The following GNG7 variants were observed in gnomAD, a reference collection of about 807,000 sequenced individuals.
GNG7 encodes guanine nucleotide-binding protein G(I)/G(S)/G(O) subunit gamma-7.
Under a neutral mutation model 4.0 loss-of-function variants are expected in GNG7, and 1 was observed. The ratio of observed to expected loss-of-function variants is 0.25; its 90% CI spans 0.09 to 1.18. GNG7 has a LOEUF of 1.18. Among genes scored for constraint, GNG7 ranks in the 50% most tolerant of loss-of-function variants. The pLI is 0.50. For synonymous variants in GNG7, 34 were observed against 36.9 expected, an observed-to-expected ratio of 0.92 and a Z score of 0.29; for missense variants, 86 against 91.9, an observed-to-expected ratio of 0.94 and a Z score of 0.26.
intron 1 of GNG7, among the ~76,000 whole-genome samples, chr19:2,701,714 T>C (rs1352944404): frequency 3.1e-5 from 2 of 63,596 alleles, no homozygotes; most frequent in Admixed American, 2.1e-4. Context: ...CCCAGCCCCC[T>C]CTCCAGCTCC....
intron 3 of GNG7, among the ~76,000 whole-genome samples, chr19:2,537,539 T>C (rs1340120626): frequency 1.3e-5 from 2 of 152,134 alleles, no homozygotes; most frequent in African/African-American, 4.8e-5. Flanking sequence ...CTGGCTATAA[T>C]AAAATAAATC....
intron 1 of GNG7, among the ~76,000 whole-genome samples, chr19:2,648,404 A>C (rs1476386802): frequency 6.6e-6 from 1 of 152,122 alleles, no homozygotes; most frequent in Non-Finnish European, 1.5e-5. Flanking sequence ...TCAAAAACAG[A>C]CCAACCCCAA....
chr19:2,529,865 C>T (rs752951998), intron 3 of GNG7, among the ~76,000 whole-genome samples: 21 of 152,238 alleles, frequency 1.4e-4, no homozygotes, highest in Non-Finnish European at 2.5e-4. Context: ...AATCCGGGCT[C>T]GCACTCTGGC....
At chr19:2,593,784 C>CTT (rs71178294) in intron 2 of GNG7, among the ~76,000 whole-genome samples, 190 of 139,522 alleles carry the variant, frequency 1.4e-3, no homozygotes, top group South Asian at 2.4e-3. Flanking sequence ...CGGGGTAGCA[C>CTT]TTTTTTTTTT....
Position 2,653,372 on chromosome 19 carries a change from T to G in GNG7, c.-134-7092A>C, listed in dbSNP as rs1351629580. ...CAGCAGGGCAGATGAGGGATCGATC[T>G]GAGTCCCATGATCCTCGGCCCTGCT... On this transcript the variant is annotated intron_variant, in intron 1 of 4. Transcript: ENST00000382159. This position sits in a 1 kb window ranked among gnomAD's most constrained non-coding sequence, Gnocchi z 4.8. 6.6e-6 allele frequency among the ~76,000 whole-genome samples: 1 copy of G among 152,166 alleles called. No individual in the cohort carries two copies. Among genetic ancestry groups the G allele is most frequent in the Admixed American group, 6.6e-5 (1 of 15,260 alleles).
At chr19:2,682,476 A>G (rs549319507) in intron 1 of GNG7, among the ~76,000 whole-genome samples, 1 of 151,254 alleles carries the variant, frequency 6.6e-6, no homozygotes, top group Non-Finnish European at 1.5e-5. Context: ...CAGCCTGGCC[A>G]ACATAGCGAA....
chr19:2,662,063 C>G (rs1054356714), intron 1 of GNG7, among the ~76,000 whole-genome samples: 4 of 152,008 alleles, frequency 2.6e-5, no homozygotes, highest in African/African-American at 9.7e-5. Flanking sequence ...AGTTTGAGAC[C>G]AGCGTGACCA....
At position 2,513,336 on chromosome 19, in the gene GNG7, C is replaced by CTA; in HGVS notation, c.*1684_*1685dup. ...ACAGGACTAGGCTAGTTTTATTCTA[C>CTA]TACTTGCTTCTAGGCCAGCCCCGTG... is the stretch of plus-strand genomic sequence containing the variant. On this transcript the variant is annotated 3_prime_UTR_variant, in exon 5 of 5. Coordinates refer to ENST00000382159, the MANE Select transcript of GNG7 (RefSeq NM_052847.3). 1 of 331,238 alleles carries CTA rather than the reference C, an allele frequency of 3.0e-6. No homozygotes were observed. Among genetic ancestry groups the CTA allele is most frequent in the Non-Finnish European group, 4.3e-6 (1 of 231,984 alleles). 20.5% of individuals were successfully genotyped at this position (331,238 alleles called of 1,614,324 possible).
At chr19:2,686,185 T>G (rs1599462137) in intron 1 of GNG7, among the ~76,000 whole-genome samples, 1 of 147,076 alleles carries the variant, frequency 6.8e-6, no homozygotes, top group Non-Finnish European at 1.5e-5. Context: ...TGAGACAGAG[T>G]CTCACGCTGT....
chr19:2,694,420 G>A (rs911540577), intron 1 of GNG7, among the ~76,000 whole-genome samples: 9 of 152,054 alleles, frequency 5.9e-5, no homozygotes, highest in African/African-American at 1.5e-4. Flanking sequence ...TGCTCCTGGC[G>A]TGGAGTGGGT....
intron 3 of GNG7, among the ~76,000 whole-genome samples, chr19:2,521,806 G>A (rs988748476): frequency 2.6e-5 from 4 of 151,936 alleles, no homozygotes; most frequent in African/African-American, 4.8e-5. Context: ...TACAGACAGC[G>A]TTTCACCATG....
chr19:2,695,798 C>T (rs771877073), intron 1 of GNG7, among the ~76,000 whole-genome samples: 9 of 152,134 alleles, frequency 5.9e-5, no homozygotes, highest in Non-Finnish European at 1.2e-4. Flanking sequence ...GATTCGTCAC[C>T]TCGGAGTCTC....
At chr19:2,598,807 C>T (rs1298137301) in intron 2 of GNG7, among the ~76,000 whole-genome samples, 1 of 151,718 alleles carries the variant, frequency 6.6e-6, no homozygotes, top group African/African-American at 2.4e-5. Flanking sequence ...TCTAAGGAGC[C>T]ACTAGGAAAA....
intron 2 of GNG7, among the ~76,000 whole-genome samples, chr19:2,565,409 G>A (rs1224952032): frequency 6.6e-6 from 1 of 152,016 alleles, no homozygotes; most frequent in East Asian, 1.9e-4. Flanking sequence ...CTACTCAGGA[G>A]ACTGAGGCAA....
chr19:2,628,272 T>A (rs1982069347), intron 2 of GNG7, among the ~76,000 whole-genome samples: 1 of 152,154 alleles, frequency 6.6e-6, no homozygotes, highest in African/African-American at 2.4e-5. Context: ...CGAGTTGTCA[T>A]CTGGAATTTG....
At chr19:2,577,963 G>C (rs891770585) in intron 2 of GNG7, among the ~76,000 whole-genome samples, 1 of 150,766 alleles carries the variant, frequency 6.6e-6, no homozygotes, top group Non-Finnish European at 1.5e-5. Context: ...TCAGCCCCTC[G>C]AGTAGCTGGG....
intron 1 of GNG7, among the ~76,000 whole-genome samples, chr19:2,673,157 T>C (rs1013357853): frequency 2.2e-4 from 33 of 150,436 alleles, no homozygotes; most frequent in Admixed American, 6.7e-4. Flanking sequence ...CTCAGGAGGG[T>C]GAGCCAGGAG....
At chr19:2,521,767 C>T (rs1317528167) in intron 3 of GNG7, among the ~76,000 whole-genome samples, 1 of 151,966 alleles carries the variant, frequency 6.6e-6, no homozygotes, top group East Asian at 1.9e-4. Flanking sequence ...GCACGTGCCA[C>T]CACACCCGGC....
chr19:2,548,245 G>A (rs1979191529), intron 3 of GNG7, among the ~76,000 whole-genome samples: 1 of 152,122 alleles, frequency 6.6e-6, no homozygotes, highest in South Asian at 2.1e-4. Flanking sequence ...TTGGGAGGCC[G>A]AGGAGGGCGG....
Sources: gnomAD v4.1 joint callset for allele counts (sites outside exome capture counted in the v4.1 genomes callset) on GRCh38, gnomAD v4.1.1 for gene constraint, Gnocchi (gnomAD v3.1) non-coding constraint, MANE v1.5 for transcripts, NCBI Gene and HGNC (gene_info 2026-07-23, HGNC 2026-07-21) for gene names.